Variants in AGL observed in about 807,000 individuals in gnomAD.
AGL encodes the protein glycogen debranching enzyme.
Under a neutral mutation model 199.3 loss-of-function variants are expected in AGL, and 128 were observed. The ratio of observed to expected loss-of-function variants is 0.64; its 90% CI spans 0.56 to 0.74. The LOEUF (loss-of-function observed/expected upper bound fraction) is 0.74, where lower values mean the gene tolerates loss of function less well. AGL is among the 30% of genes least tolerant of loss of function. AGL has a pLI of 0.00. For missense variants in AGL, 1,809 were observed against 1,820.8 expected, an observed-to-expected ratio of 0.99 and a Z score of 0.12; for synonymous variants, 584 against 594.7, an observed-to-expected ratio of 0.98 and a Z score of 0.26.
chr1:99,912,340 A>C, intron 28 of AGL, 65 bp from the exon 29 acceptor site: 1 of 1,166,050 alleles, frequency 8.6e-7, no homozygotes, highest in Non-Finnish European at 1.3e-6. Context: ...TGTTTACCGA[A>C]TGCCCTTTAA....
At chr1:99,898,079 C>T (rs2100809244) in intron 25 of AGL, among the ~76,000 whole-genome samples, 1 of 146,814 alleles carries the variant, frequency 6.8e-6, no homozygotes, top group South Asian at 2.1e-4. Context: ...CGGAGTCTTG[C>T]TCTGTCACTC....
At chr1:99,877,033 A>C (rs1383310578) in intron 11 of AGL, among the ~76,000 whole-genome samples, 1 of 151,990 alleles carries the variant, frequency 6.6e-6, no homozygotes, top group Admixed American at 6.6e-5. Context: ...GTCCCCCCTC[A>C]CTCTTAGTGT....
chr1:99,852,934 C>G (rs970361184), intron 2 of AGL, among the ~76,000 whole-genome samples: 1 of 152,020 alleles, frequency 6.6e-6, no homozygotes, highest in African/African-American at 2.4e-5. Flanking sequence ...CAAAAATATC[C>G]CCTGCCCATT....
Position 99,921,872 on chromosome 1 carries a change from T to G in AGL, c.*221T>G. ...AAATATCATTACCAATGAAATGTGT[T>G]TGAGTTCAGTAAGAATTATTCAAAT... On this transcript the variant is annotated 3_prime_UTR_variant, in exon 34 of 34. Transcript: ENST00000361915. The G allele has an allele frequency of 2.9e-6, 1 of 346,090 alleles. No individual in the cohort carries two copies. Among genetic ancestry groups the G allele is most frequent in the Non-Finnish European group, 5.2e-6 (1 of 192,758 alleles). 21.4% of individuals were successfully genotyped at this position (346,090 alleles called of 1,614,324 possible).
At position 99,881,378 on chromosome 1, in the gene AGL, C is replaced by A; in HGVS notation, c.2088C>A (p.Ser696Arg). 1 of 1,614,116 alleles carries A rather than the reference C, an allele frequency of 6.2e-7. No homozygotes were observed. Reference protein sequence around the residue: ...PSNTGEVNFQSGIIAARCAIS... With the variant: ...PSNTGEVNFQRGIIAARCAIS... ...ACACAGGTGAAGTTAATTTCCAAAG[C>A]GGCATTATTGCAGCCAGGTGTGCTA... The change falls in exon 16 of 34, where the codon AGC (serine) becomes AGA (arginine). Residue 696 changes from serine to arginine, a missense_variant. Transcript: ENST00000361915.
chr1:99,862,846 AT>A (rs1348606372), intron 4 of AGL, among the ~76,000 whole-genome samples: 5 of 152,152 alleles, frequency 3.3e-5, no homozygotes, highest in Non-Finnish European at 7.4e-5. Context: ...TTCGAATGAG[AT>A]TTGGGCAGGG....
At chr1:99,904,190 A>G (rs147863415) in intron 27 of AGL, among the ~76,000 whole-genome samples, 39 of 152,284 alleles carry the variant, frequency 2.6e-4, no homozygotes, top group African/African-American at 9.1e-4. Context: ...TCGTCATCTC[A>G]TGGCACACTA....
chr1:99,893,364 A>C (rs543685531), intron 24 of AGL, among the ~76,000 whole-genome samples: 1 of 152,336 alleles, frequency 6.6e-6, no homozygotes, highest in South Asian at 2.1e-4. Flanking sequence ...TTACCTTTCC[A>C]TTAAAAATGT....
intron 19 of AGL, 56 bp downstream of exon 19, chr1:99,884,507 A>G: frequency 6.2e-7 from 1 of 1,603,110 alleles, no homozygotes; most frequent in Non-Finnish European, 8.5e-7. Flanking sequence ...TAGTTTGCAT[A>G]TCCTGTTAAA....
chr1:99,849,630 G>C (rs79248441), upstream of AGL, among the ~76,000 whole-genome samples: 847 of 152,306 alleles, frequency 5.6e-3, 10 homozygotes, highest in African/African-American at 0.019. Flanking sequence ...CATGTGTCCT[G>C]TCTGTTAGCA....
Position 99,916,709 on chromosome 1 carries a change from C to T in AGL, c.4459C>T (p.Arg1487Ter), listed in dbSNP as rs12118058. The T allele has an allele frequency of 2.3e-5, 37 of 1,613,000 alleles. No homozygotes were observed. Among genetic ancestry groups the T allele is most frequent in the African/African-American group, 6.7e-5 (5 of 74,826 alleles). ...AGTTTTGGTTAAAAATGTTCTTTCCCGACATTATGTTCATCTTGAGAGGTA... is the reference window on the plus strand; with the variant it reads ...AGTTTTGGTTAAAAATGTTCTTTCCTGACATTATGTTCATCTTGAGAGGTA... ...TIVLVKNVLS[R>*]HYVHLERSPW... Residue 1487 changes from arginine to a stop codon, truncating the protein, a stop_gained, in exon 33 of 34, where the codon CGA becomes TGA. Transcript: ENST00000361915. LOFTEE classifies it high-confidence loss of function.
chr1:99,902,700 A>G lies in AGL; in HGVS notation c.3606A>G (p.Glu1202=), dbSNP rs757493832. ...TCAAACAGGATCAGCCATTGTTTGA[A>G]GTCATACAGGAAGCAATGCAAAAAC... ...PAGTLDQPLF[E]VIQEAMQKHM... The change falls in exon 27 of 34, where the codon GAA becomes GAG. Residue 1202 remains glutamate (E), a synonymous_variant. Coordinates refer to ENST00000361915, the MANE Select transcript of AGL (RefSeq NM_000642.3). 1.9e-6 allele frequency: 3 copies of G among 1,613,174 alleles called. No homozygotes were observed. In the South Asian group the frequency reaches 3.3e-5, roughly 18 times the overall value.
intron 2 of AGL, among the ~76,000 whole-genome samples, chr1:99,858,915 C>T (rs1029788903): frequency 6.6e-6 from 1 of 151,850 alleles, no homozygotes; most frequent in Non-Finnish European, 1.5e-5. Flanking sequence ...GAACATCATA[C>T]ATATATATTA....
rs115571846 is a variant in AGL at position 99,878,871 on chromosome 1, A to G, written c.1611+1043A>G. On this transcript the variant is annotated intron_variant, in intron 12 of 33. Transcript: ENST00000361915. ...TTTATTGTGCTTTTAGCAATAGCAAAAAGAAATATGCTTCTAAGATTGTTA... is the reference window on the plus strand; with the variant it reads ...TTTATTGTGCTTTTAGCAATAGCAAGAAGAAATATGCTTCTAAGATTGTTA... Among the ~76,000 whole-genome samples the G allele has an allele frequency of 6.8e-3, 1,032 of 152,314 alleles. 12 individuals are homozygous for G. The highest frequency in any genetic ancestry group is 0.023 in the African/African-American group (968 of 41,568).
Position 99,904,552 on chromosome 1 carries a change from A to G in AGL, c.3700+1758A>G, listed in dbSNP as rs114670085. Among the ~76,000 whole-genome samples the G allele has an allele frequency of 3.3e-3, 506 of 152,126 alleles. 4 individuals carry two copies. Among genetic ancestry groups the G allele is most frequent in the African/African-American group, 0.011 (474 of 41,514 alleles). On this transcript the variant is annotated intron_variant, in intron 27 of 33. Transcript: ENST00000361915. The stretch of plus-strand genomic sequence containing the variant: ...CTTCATGTAGCCACTGCCATAATCA[A>G]GATACAGAACTGGTCCATCACCATA...
rs1259265461 is a variant in AGL, at chr1:99,923,597, A to G, written c.*1946A>G. 1 of 152,190 alleles carries G rather than the reference A, an allele frequency of 6.6e-6. No homozygotes were observed. Among genetic ancestry groups the G allele is most frequent in the Non-Finnish European group, 1.5e-5 (1 of 68,022 alleles). 9.4% of individuals were successfully genotyped at this position (152,190 alleles called of 1,614,324 possible). ...AAGATTAATGAAAGAACATTGTTAT[A>G]TTCTGCGTGGTATATTTTAAAGTTT... is the stretch of plus-strand genomic sequence containing the variant. On this transcript the variant is annotated 3_prime_UTR_variant, in exon 34 of 34. Transcript: ENST00000361915.
chr1:99,909,927 T>C (rs902270557), intron 27 of AGL, among the ~76,000 whole-genome samples: 1 of 152,208 alleles, frequency 6.6e-6, no homozygotes, highest in Non-Finnish European at 1.5e-5. Context: ...TAGCATATAT[T>C]CAGTGTACTA....
intron 27 of AGL, among the ~76,000 whole-genome samples, chr1:99,910,240 C>T (rs1227662658): frequency 6.6e-6 from 1 of 152,168 alleles, no homozygotes; most frequent in Admixed American, 6.6e-5. Flanking sequence ...TCACTCTCAT[C>T]TCACCCTTCT....
intron 23 of AGL, 28 bp from the exon 24 acceptor site, chr1:99,892,404 G>A (rs1373173479): frequency 1.9e-6 from 3 of 1,602,214 alleles, no homozygotes; most frequent in Non-Finnish European, 2.6e-6. Context: ...ATTTCTACAA[G>A]TAATAAATTC....
Sources: allele counts gnomAD v4.1 joint callset (sites outside exome capture counted in the v4.1 genomes callset), GRCh38; gene constraint gnomAD v4.1.1; transcripts MANE v1.5; gene names NCBI Gene and HGNC (gene_info 2026-07-23, HGNC 2026-07-21).